Variants in ATP2B2 observed in about 807,000 individuals in gnomAD.
ATP2B2 encodes ATPase plasma membrane Ca2+ transporting 2, also known as plasma membrane calcium-transporting ATPase 2.
A neutral mutation model predicts 120.0 loss-of-function variants in ATP2B2; 15 were observed. The ratio of observed to expected loss-of-function variants is 0.12; its 90% confidence interval spans 0.08 to 0.19. The LOEUF is 0.19. ATP2B2 is among the 10% of genes least tolerant of loss of function. ATP2B2 has a pLI of 1.00. For synonymous variants in ATP2B2, 694 were observed against 700.3 expected (o/e 0.99, Z 0.14); for missense variants, 1,045 against 1,719.8 (o/e 0.61, Z 6.94).
At chr3:10,355,839 C>CCT (rs2060704391) in intron 14 of ATP2B2, among the ~76,000 whole-genome samples, 2 of 45,122 alleles carry the variant, frequency 4.4e-5, no homozygotes, top group Non-Finnish European at 8.6e-5. Context: ...TTTGGGAGGC[C>CCT]GAGGCGGGCG....
At chr3:10,490,328 CT>C (rs1265011775) in intron 1 of ATP2B2, among the ~76,000 whole-genome samples, 2 of 152,042 alleles carry the variant, frequency 1.3e-5, no homozygotes, top group Admixed American at 1.3e-4. Flanking sequence ...GGAATAATAA[CT>C]GCTAGAGGGA....
At chr3:10,555,413 T>C (rs902713110) in intron 2 of ATP2B2, among the ~76,000 whole-genome samples, 3 of 152,222 alleles carry the variant, frequency 2.0e-5, no homozygotes, top group Admixed American at 6.5e-5. Context: ...AGAAAACTCC[T>C]ATGTATCTGT....
At chr3:10,558,411 G>T (rs6804266) in intron 2 of ATP2B2, among the ~76,000 whole-genome samples, 1 of 152,052 alleles carries the variant, frequency 6.6e-6, no homozygotes, top group Non-Finnish European at 1.5e-5. Flanking sequence ...TTTTCTGCTC[G>T]GTTGGCTAAG....
chr3:10,643,642 C>A (rs1341164356), intron 1 of ATP2B2, among the ~76,000 whole-genome samples: 1 of 152,196 alleles, frequency 6.6e-6, no homozygotes, highest in Non-Finnish European at 1.5e-5. Flanking sequence ...AGGAAACAGA[C>A]AAACCCCAAA....
At chr3:10,331,901 G>A in intron 22 of ATP2B2, 7 of 1,392,402 alleles carry the variant, frequency 5.0e-6, no homozygotes, top group African/African-American at 1.4e-5. Context: ...CTACATACTC[G>A]AATGTTTACC....
intron 1 of ATP2B2, among the ~76,000 whole-genome samples, chr3:10,674,336 G>T (rs544826485): frequency 1.3e-5 from 2 of 152,200 alleles, no homozygotes; most frequent in South Asian, 4.1e-4. Context: ...AATGGGTCAC[G>T]TATTTTAGGT....
At chr3:10,583,322 A>G (rs1366355939) in intron 2 of ATP2B2, among the ~76,000 whole-genome samples, 1 of 152,200 alleles carries the variant, frequency 6.6e-6, no homozygotes, top group African/African-American at 2.4e-5. Flanking sequence ...GAGCCTGCCC[A>G]TGAACACATT....
At position 10,329,161 on chromosome 3, in the gene ATP2B2, A is replaced by C; in HGVS notation, c.3421-36T>G. 1 of 1,313,742 alleles carries C rather than the reference A, an allele frequency of 7.6e-7. No individual in the cohort carries two copies. The highest frequency in any genetic ancestry group is 1.2e-5 in the South Asian group (1 of 86,470). 81.4% of individuals were successfully genotyped at this position (1,313,742 alleles called of 1,614,324 possible). ...AGCACAGGGGTCAGGAGCACTGCCC[A>C]GGGACCACAGCCAGGCTCGGGGGGC... is the stretch of plus-strand genomic sequence containing the variant. On this transcript the variant is annotated intron_variant, in intron 22 of 22. Transcript: ENST00000360273. This position sits in a 1 kb window ranked among gnomAD's most constrained non-coding sequence, Gnocchi z 5.9.
chr3:10,664,744 G>A (rs549188312), intron 1 of ATP2B2, among the ~76,000 whole-genome samples: 1 of 152,216 alleles, frequency 6.6e-6, no homozygotes, highest in Non-Finnish European at 1.5e-5. Context: ...ATTTGATCTA[G>A]CGGGTGCCTT....
At chr3:10,409,701 G>A (rs1275277363) in intron 3 of ATP2B2, among the ~76,000 whole-genome samples, 3 of 152,162 alleles carry the variant, frequency 2.0e-5, no homozygotes, top group African/African-American at 7.2e-5. Context: ...TGGCTTGGGA[G>A]GGGGCAGGAC....
At chr3:10,661,992 A>C (rs2070794128) in intron 1 of ATP2B2, among the ~76,000 whole-genome samples, 1 of 152,214 alleles carries the variant, frequency 6.6e-6, no homozygotes, top group Non-Finnish European at 1.5e-5. Flanking sequence ...AAAAACAAGA[A>C]ATGGGAAAAG....
In ATP2B2 at chr3:10,324,775, C is replaced by T. The variant is rs186572345; in HGVS notation, c.*4039G>A. ...TCCAAATTAAAGAGCAAGAAACTATCCCCCCAAAACAAAATGAAACAAAAA... is the reference window on the plus strand; with the variant it reads ...TCCAAATTAAAGAGCAAGAAACTATTCCCCCAAAACAAAATGAAACAAAAA... On this transcript the variant is annotated 3_prime_UTR_variant, in exon 23 of 23. Coordinates refer to ENST00000360273, the MANE Select transcript of ATP2B2 (RefSeq NM_001001331.4). 10 of 152,302 alleles carry T rather than the reference C, an allele frequency of 6.6e-5. No homozygotes were observed. The highest frequency in any genetic ancestry group is 6.5e-4 in the Admixed American group (10 of 15,290). The allele number at this position is 152,302 out of a possible 1,614,324, so 9.4% of individuals were successfully genotyped here.
At chr3:10,558,822 C>T (rs1163493774) in intron 2 of ATP2B2, among the ~76,000 whole-genome samples, 1 of 151,900 alleles carries the variant, frequency 6.6e-6, no homozygotes, top group Admixed American at 6.6e-5. Context: ...CACGGAATAA[C>T]AGCAGGAGAA....
chr3:10,512,388 C>A, intron 3 of ATP2B2, among the ~76,000 whole-genome samples: 1 of 151,604 alleles, frequency 6.6e-6, no homozygotes, highest in Middle Eastern at 3.2e-3. Context: ...GCATGTCCAG[C>A]CTGAATGGCT....
At chr3:10,387,835 T>C (rs745724717) in intron 6 of ATP2B2, 12 of 248,286 alleles carry the variant, frequency 4.8e-5, no homozygotes, top group Non-Finnish European at 7.2e-5. Context: ...GAATCTCCTC[T>C]GCCCATGTCT....
At chr3:10,706,570 A>G (rs879017069) in intron 1 of ATP2B2, among the ~76,000 whole-genome samples, 2 of 152,194 alleles carry the variant, frequency 1.3e-5, no homozygotes, top group Non-Finnish European at 2.9e-5. Context: ...GCCCCCTACC[A>G]GCCCACACAG....
intron 1 of ATP2B2, among the ~76,000 whole-genome samples, chr3:10,488,368 T>A (rs1296615266): frequency 6.8e-6 from 1 of 147,976 alleles, no homozygotes; most frequent in African/African-American, 2.5e-5. Flanking sequence ...CACAAATCGA[T>A]CCATCCATCC....
At chr3:10,649,936 C>T (rs2070412570) in intron 1 of ATP2B2, among the ~76,000 whole-genome samples, 1 of 152,204 alleles carries the variant, frequency 6.6e-6, no homozygotes, top group African/African-American at 2.4e-5. Flanking sequence ...AAGTGTAAGT[C>T]CAATGGACGT....
intron 1 of ATP2B2, among the ~76,000 whole-genome samples, chr3:10,667,995 T>G (rs1263346225): frequency 1.5e-5 from 2 of 136,884 alleles, no homozygotes; most frequent in Non-Finnish European, 3.2e-5. Context: ...GGACAGATAG[T>G]GCAGGGGTGG....
Sources: allele counts gnomAD v4.1 joint callset (sites outside exome capture counted in the v4.1 genomes callset), GRCh38; gene constraint gnomAD v4.1.1; non-coding constraint Gnocchi (gnomAD v3.1); transcripts MANE v1.5; gene names NCBI Gene and HGNC (gene_info 2026-07-23, HGNC 2026-07-21).